Variants in CDH23 observed in about 807,000 individuals in gnomAD.
The protein encoded by CDH23 is cadherin-23.
In CDH23, 189 loss-of-function variants were observed where a neutral mutation model predicts 317.1. That is an observed-to-expected ratio of 0.60 (90% confidence interval 0.53 to 0.67). The LOEUF is 0.67. CDH23 is among the 30% of genes least tolerant of loss of function. The pLI is 0.00. For missense variants in CDH23, 4,401 were observed against 4,592.4 expected (o/e 0.96, Z 1.20); for synonymous variants, 1,839 against 1,876.8 (o/e 0.98, Z 0.52).
chr10:71,570,248 T>G (rs1857698165), intron 7 of CDH23, among the ~76,000 whole-genome samples: 1 of 152,172 alleles, frequency 6.6e-6, no homozygotes, highest in Non-Finnish European at 1.5e-5. Context: ...AAGGGACTCA[T>G]GAATGCAGGG....
chr10:71,415,372 C>T (rs4326711), intron 1 of CDH23, among the ~76,000 whole-genome samples: 3,724 of 152,270 alleles, frequency 0.024, 72 homozygotes, highest in African/African-American at 0.053. Context: ...CTATTACAGG[C>T]GTGAGCCACT....
At chr10:71,545,513 G>A (rs1856224665) in intron 6 of CDH23, among the ~76,000 whole-genome samples, 1 of 152,210 alleles carries the variant, frequency 6.6e-6, no homozygotes, top group Non-Finnish European at 1.5e-5. Flanking sequence ...CTTTCAGTTA[G>A]TCTGATAAGC....
chr10:71,624,250 C>G (rs149271192), intron 11 of CDH23, among the ~76,000 whole-genome samples: 1 of 152,306 alleles, frequency 6.6e-6, no homozygotes, highest in African/African-American at 2.4e-5. Flanking sequence ...ATCTCTGTCC[C>G]CAACCCCAGC....
At chr10:71,545,768 G>A (rs901147598) in intron 6 of CDH23, among the ~76,000 whole-genome samples, 1 of 152,152 alleles carries the variant, frequency 6.6e-6, no homozygotes, top group African/African-American at 2.4e-5. Context: ...AGTGGCTAGC[G>A]CAGGCTTTGT....
intron 3 of CDH23, among the ~76,000 whole-genome samples, chr10:71,464,932 C>G (rs375068027): frequency 1.3e-5 from 2 of 152,138 alleles, no homozygotes; most frequent in Non-Finnish European, 2.9e-5. Context: ...TATGGAGGGC[C>G]AATTAGGTGC....
rs1439381315 is a variant in CDH23 at position 71,690,501 on chromosome 10, T to G, written c.2093T>G (p.Leu698Arg). 6.2e-7 allele frequency: 1 copy of G among 1,610,764 alleles called. No individual in the cohort carries two copies. Among genetic ancestry groups the G allele is most frequent in the Admixed American group, 1.7e-5 (1 of 59,694 alleles). ...ATVLFLNATD[L>R]DRSREYGQES... ...GTGCTGTTCCTGAATGCCACAGACC[T>G]GGACCGCTCCCGGGAGTACGGCCAG... The change falls in exon 20 of 70, where the codon CTG (leucine) becomes CGG (arginine). Residue 698 changes from leucine (L) to arginine (R), a missense_variant. Leu to Arg is a moderately radical substitution (Grantham distance 102, BLOSUM62 -2). Coordinates refer to ENST00000224721, the MANE Select transcript of CDH23 (RefSeq NM_022124.6).
At chr10:71,696,951 G>A (rs2132720238) in intron 22 of CDH23, among the ~76,000 whole-genome samples, 1 of 152,322 alleles carries the variant, frequency 6.6e-6, no homozygotes, top group East Asian at 1.9e-4. Context: ...CCCAGCCAGG[G>A]ATTCCAAGAG....
intron 2 of CDH23, among the ~76,000 whole-genome samples, chr10:71,441,022 T>TC (rs1467244157): frequency 1.3e-5 from 2 of 151,568 alleles, no homozygotes; most frequent in African/African-American, 4.9e-5. Flanking sequence ...CCTACTGGAA[T>TC]CCCCCCTGTG....
chr10:71,760,145 ATG>A (rs201152465), intron 38 of CDH23, among the ~76,000 whole-genome samples: 7,503 of 42,174 alleles, frequency 0.18, 2,917 homozygotes, highest in Non-Finnish European at 0.27. Flanking sequence ...ATACATATAT[ATG>A]TGTGTATATA....
intron 14 of CDH23, among the ~76,000 whole-genome samples, chr10:71,659,071 C>CACAGA (rs1428673499): frequency 1.3e-5 from 2 of 152,254 alleles, no homozygotes; most frequent in East Asian, 3.8e-4. Context: ...GAGCCCGTGA[C>CACAGA]ACCCTGTGCT....
intron 3 of CDH23, among the ~76,000 whole-genome samples, chr10:71,482,419 ATCT>A (rs1391870133): frequency 1.3e-5 from 2 of 152,246 alleles, no homozygotes; most frequent in Non-Finnish European, 2.9e-5. Context: ...ATACCTCTCT[ATCT>A]TCTTCTTCTT....
Position 71,709,144 on chromosome 10 carries a change from T to C in CDH23, c.3153T>C (p.Val1051=), listed in dbSNP as rs753695059. ...TCAGCGTGGGTTACCGCGATGCCGT[T>C]GTGAGAACCGTGGTGGGCCTGGACC... The part of the protein sequence containing the change: ...GKFSVGYRDA[V]VRTVVGLDRE... Residue 1051 remains valine (V), a synonymous_variant, in exon 27 of 70, where the codon GTT becomes GTC. Transcript: ENST00000224721. 9 of 1,613,962 alleles carry C rather than the reference T, an allele frequency of 5.6e-6. No homozygotes were observed. Among genetic ancestry groups the C allele is most frequent in the Non-Finnish European group, 6.8e-6 (8 of 1,179,890 alleles).
rs114290215 is a variant in CDH23 at position 71,637,908 on chromosome 10, A to G, written c.1135-5953A>G. Reference sequence around the variant, plus strand: ...GCTCCTGAGGCCACCCTGCCTTCACATGACCCTGGTCCTTCCTCTTCCATG... The same window carrying G: ...GCTCCTGAGGCCACCCTGCCTTCACGTGACCCTGGTCCTTCCTCTTCCATG... On this transcript the variant is annotated intron_variant, in intron 11 of 69. Transcript: ENST00000224721. 8.1e-3 allele frequency among the ~76,000 whole-genome samples: 1,164 copies of G among 142,842 alleles called. 15 individuals are homozygous for G. Among genetic ancestry groups the G allele is most frequent in the African/African-American group, 0.029 (1,099 of 38,000 alleles). 93.7% of individuals were successfully genotyped at this position (142,842 alleles called of 152,430 possible).
intron 9 of CDH23, among the ~76,000 whole-genome samples, chr10:71,613,679 T>G (rs1399347737): frequency 1.3e-5 from 2 of 152,206 alleles, no homozygotes; most frequent in Non-Finnish European, 2.9e-5. Context: ...CACCCTTGAC[T>G]TTTTCCCTAG....
chr10:71,585,614 T>C (rs1316227734), intron 9 of CDH23, among the ~76,000 whole-genome samples: 1 of 152,212 alleles, frequency 6.6e-6, no homozygotes, highest in African/African-American at 2.4e-5. Context: ...TCTCCCACCA[T>C]CATGCCGAGA....
At chr10:71,499,671 C>T (rs1853171067) in intron 3 of CDH23, among the ~76,000 whole-genome samples, 2 of 151,748 alleles carry the variant, frequency 1.3e-5, no homozygotes. Context: ...GAAACCTCGT[C>T]TCTACTAAAA....
At chr10:71,431,206 A>AT (rs1438822716) in intron 1 of CDH23, among the ~76,000 whole-genome samples, 1 of 152,298 alleles carries the variant, frequency 6.6e-6, no homozygotes, top group East Asian at 1.9e-4. Context: ...GCTGTATGAT[A>AT]TTTTTAAGAG....
chr10:71,527,815 AC>A, intron 6 of CDH23, among the ~76,000 whole-genome samples: 1 of 152,178 alleles, frequency 6.6e-6, no homozygotes, highest in African/African-American at 2.4e-5. Flanking sequence ...GCACTTAGGA[AC>A]AGGACTTGCC....
rs372380590 is a variant in CDH23, at chr10:71,677,636, C to T, written c.1695C>T (p.Ala565=). ...ACGTGCCCACCTTCCAGAAGGATGC[C>T]TACGTGGGTGCTCTGCGGGAGAACG... ...NDNVPTFQKD[A]YVGALRENEP... is the part of the protein sequence containing the mutation. Residue 565 remains alanine (A), a synonymous_variant, in exon 16 of 70, where the codon GCC becomes GCT. Coordinates refer to ENST00000224721, the MANE Select transcript of CDH23 (RefSeq NM_022124.6). The T allele has an allele frequency of 1.9e-6, 3 of 1,593,228 alleles. No homozygotes were observed. Among genetic ancestry groups the T allele is most frequent in the Non-Finnish European group, 2.6e-6 (3 of 1,170,158 alleles).
Sources: allele counts gnomAD v4.1 joint callset (sites outside exome capture counted in the v4.1 genomes callset), GRCh38; gene constraint gnomAD v4.1.1; transcripts MANE v1.5; gene names NCBI Gene and HGNC (gene_info 2026-07-23, HGNC 2026-07-21).